TBC1D9: variants seen among roughly 807,000 people sequenced by gnomAD.
TBC1D9 encodes the protein TBC1 domain family member 9.
Under a neutral mutation model 132.0 loss-of-function variants are expected in TBC1D9, and 63 were observed. The ratio of observed to expected loss-of-function variants is 0.48; its 90% CI spans 0.39 to 0.59. The LOEUF (loss-of-function observed/expected upper bound fraction) is 0.59. Ranked by LOEUF, TBC1D9 falls within the 20% of genes least tolerant of loss-of-function variation. The pLI, the probability that TBC1D9 is intolerant of heterozygous loss-of-function variation, is 0.00. For missense variants in TBC1D9, 1,261 were observed against 1,592.7 expected (o/e 0.79, Z 3.54); for synonymous variants, 610 against 609.9 (o/e 1.00, Z 0.00).
chr4:140,709,289 C>CACACACACACA (rs1738203163), intron 1 of TBC1D9, among the ~76,000 whole-genome samples: 4 of 148,020 alleles, frequency 2.7e-5, no homozygotes, highest in African/African-American at 1.0e-4. Context: ...CACACACACA[C>CACACACACACA]CCCAATTCAT....
At chr4:140,752,895 C>A (rs945158986) in intron 1 of TBC1D9, among the ~76,000 whole-genome samples, 4 of 152,132 alleles carry the variant, frequency 2.6e-5, no homozygotes, top group African/African-American at 7.2e-5. Context: ...GGCAAGTTTC[C>A]CTACTCATCT....
At position 140,639,427 on chromosome 4, in the gene TBC1D9, T is replaced by C. The variant is rs779221674; in HGVS notation, c.2339A>G (p.Lys780Arg). The C allele has an allele frequency of 6.2e-7, 1 of 1,606,454 alleles. No homozygotes were observed. Among genetic ancestry groups the C allele is most frequent in the Non-Finnish European group, 8.5e-7 (1 of 1,175,772 alleles). Residue 780 changes from lysine to arginine, a missense_variant and splice_region_variant, in exon 14 of 21, where the codon AAA becomes AGA. Physicochemically the swap from Lys to Arg is conservative, Grantham distance 26 (BLOSUM62 2). This residue lies in a region of TBC1D9 where 618 missense variants were observed against 724.4 expected (regional missense o/e 0.85). Transcript: ENST00000442267. ...IFRLIRTSYE[K>R]FGTIRADLIE... Reference sequence around the variant, plus strand: ...CAAATCTGCCCGGATAGTTCCGAATTTCTGTAAAGGAGCAATATTGGTGTC... The same window carrying C: ...CAAATCTGCCCGGATAGTTCCGAATCTCTGTAAAGGAGCAATATTGGTGTC...
Position 140,639,138 on chromosome 4 carries a change from G to A in TBC1D9, c.2453C>T (p.Thr818Ile). The A allele has an allele frequency of 6.3e-7, 1 of 1,585,126 alleles. No individual in the cohort carries two copies. The highest frequency in any genetic ancestry group is 8.6e-7 in the Non-Finnish European group (1 of 1,164,200). Residue 818 changes from threonine (T) to isoleucine (I), a missense_variant, in exon 15 of 21, where the codon ACA becomes ATA. Coordinates refer to ENST00000442267, the MANE Select transcript of TBC1D9 (RefSeq NM_015130.3). ...TKRNVVRTIV[T>I]ETSFTIDELE... is the part of the protein sequence containing the mutation. ...CTCATCAATGGTAAAGGAAGTTTCT[G>A]TCACAATGGTTCGTACCTATAAAAA...
intron 1 of TBC1D9, among the ~76,000 whole-genome samples, chr4:140,752,400 T>C (rs1738939957): frequency 6.6e-6 from 1 of 152,082 alleles, no homozygotes; most frequent in Non-Finnish European, 1.5e-5. Flanking sequence ...TTTAGGGATA[T>C]GTTCTTTGGA....
Position 140,657,117 on chromosome 4 carries a change from G to T in TBC1D9, c.2317C>A (p.Leu773Ile). 1 of 1,613,946 alleles carries T rather than the reference G, an allele frequency of 6.2e-7. No homozygotes were observed. The highest frequency in any genetic ancestry group is 8.5e-7 in the Non-Finnish European group (1 of 1,179,864). Residue 773 changes from leucine (L) to isoleucine (I), a missense_variant, in exon 13 of 21, where the codon CTC becomes ATC. Coordinates refer to ENST00000442267, the MANE Select transcript of TBC1D9 (RefSeq NM_015130.3). ...EPYPEVDIFR[L>I]IRTSYEKFGT... The stretch of plus-strand genomic sequence containing the variant: ...CCTACCTCGTAGGAAGTTCTGATGA[G>T]TCTAAAGATGTCTACCTCAGGGTAA...
At chr4:140,642,049 G>A in intron 13 of TBC1D9, 1 of 676,316 alleles carries the variant, frequency 1.5e-6, no homozygotes, top group Admixed American at 2.2e-5. Flanking sequence ...CCTGCTGGTG[G>A]CTGGCTTAGG....
intron 9 of TBC1D9, among the ~76,000 whole-genome samples, chr4:140,667,773 T>C (rs1052473575): frequency 5.9e-5 from 9 of 152,122 alleles, no homozygotes; most frequent in Admixed American, 1.3e-4. Flanking sequence ...AAATAAGACA[T>C]GTATTAAATA....
intron 3 of TBC1D9, among the ~76,000 whole-genome samples, chr4:140,683,221 G>A (rs1737732188): frequency 6.6e-6 from 1 of 152,046 alleles, no homozygotes; most frequent in Non-Finnish European, 1.5e-5. Flanking sequence ...ATATATGAGA[G>A]TAAATACAGT....
rs1331211470 is a variant in TBC1D9, at chr4:140,724,459, A to G, written c.131-22845T>C. Among the ~76,000 whole-genome samples, 3 of 152,180 alleles carry G rather than the reference A, an allele frequency of 2.0e-5. No individual in the cohort carries two copies. In the East Asian group the frequency reaches 5.8e-4, roughly 29 times the overall value. Reference sequence around the variant, plus strand: ...CGGCCATTTTCTCAATGGCAACCTAACCAGCACTGATGCATACAAAATTTT... The same window carrying G: ...CGGCCATTTTCTCAATGGCAACCTAGCCAGCACTGATGCATACAAAATTTT... On this transcript the variant is annotated intron_variant, in intron 1 of 20. Transcript: ENST00000442267.
chr4:140,640,901 T>A (rs1736977845), intron 13 of TBC1D9, among the ~76,000 whole-genome samples: 1 of 140,140 alleles, frequency 7.1e-6, no homozygotes, highest in African/African-American at 3.2e-5. Flanking sequence ...TATATATATA[T>A]AGATTTATTT....
In TBC1D9 at chr4:140,755,950, G is replaced by T; in HGVS notation, c.96C>A (p.His32Gln). The T allele has an allele frequency of 1.3e-6, 2 of 1,596,666 alleles. No homozygotes were observed. Among genetic ancestry groups the T allele is most frequent in the Non-Finnish European group, 1.7e-6 (2 of 1,172,914 alleles). Residue 32 changes from histidine to glutamine, a missense_variant, in exon 1 of 21, where the codon CAC becomes CAA. By Grantham distance (24) the His-to-Gln change is conservative (BLOSUM62 0). Around this residue, in one of 3 missense-constraint regions of TBC1D9, gnomAD observed 550 missense variants for 699.0 expected, o/e 0.79. Transcript: ENST00000442267. Reference protein sequence around the residue: ...PYFILQRRKGHAGDGGGGGGL... With the variant: ...PYFILQRRKGQAGDGGGGGGL... Reference sequence around the variant, plus strand: ...CGCCGCCGCCGCCTCCATCGCCGGCGTGGCCCTTCCTCCGCTGCAGGATGA... The same window carrying T: ...CGCCGCCGCCGCCTCCATCGCCGGCTTGGCCCTTCCTCCGCTGCAGGATGA...
intron 1 of TBC1D9, among the ~76,000 whole-genome samples, chr4:140,703,990 C>A (rs1211297041): frequency 6.6e-6 from 1 of 152,098 alleles, no homozygotes; most frequent in Admixed American, 6.5e-5. Context: ...TTTGTAATAC[C>A]TCTCACATCT....
chr4:140,642,582 G>T, intron 13 of TBC1D9: 4 of 941,778 alleles, frequency 4.2e-6, no homozygotes, highest in Non-Finnish European at 6.7e-6. Context: ...AACTGCTCCT[G>T]GTCGCTGTCC....
chr4:140,743,033 A>G (rs1351154195), intron 1 of TBC1D9, among the ~76,000 whole-genome samples: 2 of 151,946 alleles, frequency 1.3e-5, no homozygotes, highest in Admixed American at 6.6e-5. Flanking sequence ...GGGAGGGAGG[A>G]AGGAGGAAAG....
chr4:140,633,768 T>C lies in TBC1D9; in HGVS notation c.2746+180A>G, dbSNP rs150822231. 9.1e-4 allele frequency among the ~76,000 whole-genome samples: 139 copies of C among 152,282 alleles called. 1 individual carries two copies. The highest frequency in any genetic ancestry group is 3.2e-3 in the African/African-American group (131 of 41,548). On this transcript the variant is annotated intron_variant, in intron 16 of 20. Transcript: ENST00000442267. Reference sequence around the variant, plus strand: ...TCTAATAATGTACTTTTAACTAGTGTTGAGGGCTGTCTGATGTAGAGGCAA... The same window carrying C: ...TCTAATAATGTACTTTTAACTAGTGCTGAGGGCTGTCTGATGTAGAGGCAA...
At chr4:140,661,119 T>C (rs1052911222) in intron 10 of TBC1D9, among the ~76,000 whole-genome samples, 1 of 152,172 alleles carries the variant, frequency 6.6e-6, no homozygotes, top group Non-Finnish European at 1.5e-5. Context: ...TTTCACCGTG[T>C]TAGCCAGGAT....
At chr4:140,662,966 A>C (rs535827351) in intron 9 of TBC1D9, among the ~76,000 whole-genome samples, 3 of 152,244 alleles carry the variant, frequency 2.0e-5, no homozygotes, top group African/African-American at 7.2e-5. Flanking sequence ...AAGAAAATAT[A>C]GAAAGAAAAT....
rs146250085 is a variant in TBC1D9, at chr4:140,652,195, C to T, written c.2337+4902G>A. Among the ~76,000 whole-genome samples the T allele has an allele frequency of 1.2e-3, 180 of 149,330 alleles. 2 individuals carry two copies. In the East Asian group the frequency reaches 0.034, roughly 28 times the overall value. On this transcript the variant is annotated intron_variant, in intron 13 of 20. Coordinates refer to ENST00000442267, the MANE Select transcript of TBC1D9 (RefSeq NM_015130.3). ...GGTGGAGGTTGCAGTGAGCCAAGAT[C>T]AAGCCACTATACTCCAGCCTGGGTG... is the stretch of plus-strand genomic sequence containing the variant.
chr4:140,661,531 A>T (rs1737361401), intron 10 of TBC1D9, among the ~76,000 whole-genome samples: 1 of 152,164 alleles, frequency 6.6e-6, no homozygotes, highest in African/African-American at 2.4e-5. Context: ...TCTCCAGGTC[A>T]CCTAGCTAGA....
Sources: allele counts gnomAD v4.1 joint callset (sites outside exome capture counted in the v4.1 genomes callset), GRCh38; gene constraint gnomAD v4.1.1; regional missense constraint gnomAD v4.1.1; transcripts MANE v1.5; gene names NCBI Gene and HGNC (gene_info 2026-07-23, HGNC 2026-07-21).